Variants in NRXN3 observed in about 807,000 individuals in gnomAD.
NRXN3 encodes the protein neurexin 3, also known as neurexin III.
Under a neutral mutation model 137.6 loss-of-function variants are expected in NRXN3, and 32 were observed. The ratio of observed to expected loss-of-function variants is 0.23; its 90% CI spans 0.18 to 0.31. The LOEUF is 0.31. NRXN3 is among the 10% of genes least tolerant of loss of function. The probability of loss-of-function intolerance (pLI) is 1.00; values close to 1 mark genes in which losing one functional copy is unlikely to be tolerated. For synonymous variants in NRXN3, 798 were observed against 784.5 expected (o/e 1.02, Z -0.29); for missense variants, 1,574 against 2,062.5 (o/e 0.76, Z 4.59).
At chr14:78,201,626 A>G (rs1325161410) in intron 1 of NRXN3, among the ~76,000 whole-genome samples, 5 of 152,346 alleles carry the variant, frequency 3.3e-5, no homozygotes, top group South Asian at 4.1e-4. Flanking sequence ...CTTCTACGTC[A>G]GAGTGAGAGA....
At chr14:79,683,120 G>A (rs1466136671) in intron 17 of NRXN3, among the ~76,000 whole-genome samples, 1 of 152,150 alleles carries the variant, frequency 6.6e-6, no homozygotes, top group African/African-American at 2.4e-5. Flanking sequence ...CCCCTTTAAT[G>A]TTCGCTCAGA....
intron 2 of NRXN3, among the ~76,000 whole-genome samples, chr14:78,271,246 C>T (rs183412495): frequency 2.3e-4 from 35 of 152,232 alleles, no homozygotes; most frequent in Middle Eastern, 3.4e-3. Flanking sequence ...TTCATCTTTC[C>T]GGTTAAGCTC....
chr14:78,241,171 G>A (rs1489160048), intron 1 of NRXN3, among the ~76,000 whole-genome samples: 1 of 152,170 alleles, frequency 6.6e-6, no homozygotes, highest in Non-Finnish European at 1.5e-5. Context: ...CCATTCTGCA[G>A]TTTTCATAAT....
At chr14:78,310,304 G>A (rs1049475826) in intron 4 of NRXN3, among the ~76,000 whole-genome samples, 4 of 142,508 alleles carry the variant, frequency 2.8e-5, no homozygotes, top group African/African-American at 1.0e-4. Context: ...ACATGTAGGT[G>A]AAGGAATTGC....
chr14:79,139,776 C>T (rs1473969946), intron 15 of NRXN3, among the ~76,000 whole-genome samples: 2 of 151,718 alleles, frequency 1.3e-5, no homozygotes, highest in African/African-American at 4.8e-5. Flanking sequence ...CCTTCAAAAT[C>T]AAAACAAAAA....
At chr14:78,987,249 T>C (rs1204861494) in intron 14 of NRXN3, among the ~76,000 whole-genome samples, 1 of 152,102 alleles carries the variant, frequency 6.6e-6, no homozygotes, top group African/African-American at 2.4e-5. Context: ...GAACTACACA[T>C]TGAGAACCAC....
intron 6 of NRXN3, among the ~76,000 whole-genome samples, chr14:78,665,381 A>G (rs1378944076): frequency 1.3e-5 from 2 of 152,190 alleles, no homozygotes; most frequent in Non-Finnish European, 2.9e-5. Flanking sequence ...AGTGCCAAGC[A>G]AAGGAGGGAA....
chr14:78,855,121 G>A (rs146219388), intron 10 of NRXN3, among the ~76,000 whole-genome samples: 52 of 151,152 alleles, frequency 3.4e-4, no homozygotes, highest in African/African-American at 1.2e-3. Context: ...CCGAGATCAC[G>A]CTGCTGCACT....
intron 16 of NRXN3, 94 bp downstream of exon 16, chr14:79,467,496 G>C (rs1401946505): frequency 1.8e-6 from 2 of 1,106,668 alleles, no homozygotes; most frequent in Non-Finnish European, 2.5e-6. Context: ...AGATCAATAT[G>C]GCAAAGGTGC....
At chr14:79,081,251 AT>A (rs2046937223) in intron 15 of NRXN3, among the ~76,000 whole-genome samples, 1 of 152,220 alleles carries the variant, frequency 6.6e-6, no homozygotes, top group Non-Finnish European at 1.5e-5. Context: ...AGTGGTTAAC[AT>A]TTATTCCAGA....
At chr14:78,442,677 G>T (rs1434167061) in intron 4 of NRXN3, among the ~76,000 whole-genome samples, 1 of 152,156 alleles carries the variant, frequency 6.6e-6, no homozygotes, top group Non-Finnish European at 1.5e-5. Flanking sequence ...TTATCAGCTT[G>T]GGTCCTTCTG....
chr14:79,775,155 T>G (rs963523353), intron 19 of NRXN3, among the ~76,000 whole-genome samples: 2 of 152,154 alleles, frequency 1.3e-5, no homozygotes, highest in African/African-American at 4.8e-5. Context: ...TATGATCTAT[T>G]AATGTCACAA....
chr14:79,234,952 A>G (rs147105311), intron 15 of NRXN3, among the ~76,000 whole-genome samples: 2 of 152,254 alleles, frequency 1.3e-5, no homozygotes, highest in African/African-American at 4.8e-5. Flanking sequence ...GTTACTTTGT[A>G]CTTTATGTGA....
intron 6 of NRXN3, among the ~76,000 whole-genome samples, chr14:78,656,920 A>G (rs2097788889): frequency 6.6e-6 from 1 of 151,614 alleles, no homozygotes; most frequent in African/African-American, 2.4e-5. Context: ...GGTGGCGGGC[A>G]CCTGTAGTCC....
chr14:78,264,880 C>T (rs996187648), intron 2 of NRXN3, among the ~76,000 whole-genome samples: 1 of 152,140 alleles, frequency 6.6e-6, no homozygotes, highest in Non-Finnish European at 1.5e-5. Context: ...CGGGGGCTTC[C>T]CTCTCTCGTC....
At chr14:78,196,765 T>G (rs1177472415) in intron 1 of NRXN3, among the ~76,000 whole-genome samples, 8 of 152,168 alleles carry the variant, frequency 5.3e-5, no homozygotes, top group Non-Finnish European at 1.2e-4. Flanking sequence ...TATGGCGCTA[T>G]TAGAACCTAA....
At chr14:78,201,091 G>T (rs2061635113) in intron 1 of NRXN3, among the ~76,000 whole-genome samples, 1 of 152,168 alleles carries the variant, frequency 6.6e-6, no homozygotes, top group Admixed American at 6.5e-5. Context: ...GCTGGAAGCA[G>T]AAGTGTTGAC....
rs2099301321 is a variant in NRXN3, at chr14:78,926,855, ATATATAAT to A, written c.2276-30386_2276-30379del. On this transcript the variant is annotated intron_variant, in intron 10 of 20. Coordinates refer to ENST00000335750, the MANE Select transcript of NRXN3 (RefSeq NM_001330195.2). ...TTTATATAAATATATAATATATTAT[ATATATAAT>A]ATATATATAATATATAATATATTTA... Among the ~76,000 whole-genome samples the A allele has an allele frequency of 7.9e-5, 2 of 25,196 alleles. 1 individual carries two copies. Among genetic ancestry groups the A allele is most frequent in the African/African-American group, 5.7e-4 (2 of 3,536 alleles). The allele number at this position is 25,196 out of a possible 152,430, so 16.5% of individuals were successfully genotyped here.
chr14:78,843,148 T>C (rs1187608247), intron 10 of NRXN3, among the ~76,000 whole-genome samples: 1 of 152,156 alleles, frequency 6.6e-6, no homozygotes, highest in Admixed American at 6.6e-5. Context: ...ACAATTTATG[T>C]TCAGAGATTG....
Sources: allele counts gnomAD v4.1 joint callset (sites outside exome capture counted in the v4.1 genomes callset), GRCh38; gene constraint gnomAD v4.1.1; transcripts MANE v1.5; gene names NCBI Gene and HGNC (gene_info 2026-07-23, HGNC 2026-07-21).